Variants in MAGED1 observed in about 807,000 individuals in gnomAD.
The protein encoded by MAGED1 is melanoma-associated antigen D1.
A neutral mutation model predicts 54.1 loss-of-function variants in MAGED1; 3 were observed. The ratio of observed to expected loss-of-function variants is 0.06; its 90% confidence interval spans 0.03 to 0.14. The LOEUF (loss-of-function observed/expected upper bound fraction) is 0.14. MAGED1 is among the 10% of genes least tolerant of loss of function. The pLI is 1.00. For missense variants in MAGED1, 485 were observed against 623.4 expected (o/e 0.78, Z 2.36); for synonymous variants, 217 against 227.3 (o/e 0.95, Z 0.41).
intron 1 of MAGED1, among the ~76,000 whole-genome samples, chrX:51,816,982 G>C (rs1190404400): frequency 9.0e-6 from 1 of 111,498 alleles, no homozygotes; most frequent in African/African-American, 3.3e-5. Flanking sequence ...GTAATCTAAG[G>C]GGAGTTCCTG....
chrX:51,899,154 A>G (rs1278820060), intron 10 of MAGED1: 1 of 111,672 alleles, frequency 9.0e-6, no homozygotes, highest in South Asian at 3.8e-4. Flanking sequence ...TTATTTTTTT[A>G]TTTTTTGAGA....
intron 1 of MAGED1, among the ~76,000 whole-genome samples, chrX:51,811,070 A>G (rs887189076): frequency 9.8e-5 from 11 of 112,177 alleles, no homozygotes; most frequent in Non-Finnish European, 2.1e-4. Context: ...TATTTCATTA[A>G]TGTTAAAGCA....
intron 1 of MAGED1, among the ~76,000 whole-genome samples, chrX:51,881,125 C>T (rs1802845926): frequency 9.0e-6 from 1 of 111,490 alleles, no homozygotes; most frequent in Admixed American, 9.5e-5. Context: ...AGATAGCCAT[C>T]TTCTCGTTGT....
At chrX:51,856,794 G>A (rs782552398) in intron 1 of MAGED1, among the ~76,000 whole-genome samples, 17 of 111,604 alleles carry the variant, frequency 1.5e-4, no homozygotes, top group Non-Finnish European at 3.0e-4. Flanking sequence ...TATTCCTTAC[G>A]CAGGGAAATT....
At chrX:51,860,316 G>C (rs1557360533) in intron 1 of MAGED1, among the ~76,000 whole-genome samples, 1 of 111,723 alleles carries the variant, frequency 9.0e-6, no homozygotes, top group Non-Finnish European at 1.9e-5. Context: ...AAGAGAACTG[G>C]GTGCAGGGAG....
intron 1 of MAGED1, among the ~76,000 whole-genome samples, chrX:51,844,435 A>G (rs1461852305): frequency 8.9e-6 from 1 of 112,393 alleles, no homozygotes; most frequent in Admixed American, 9.4e-5. Context: ...TTGAAGGAAG[A>G]ACTGTTAAGC....
At chrX:51,871,263 G>A (rs1423830386) in intron 1 of MAGED1, among the ~76,000 whole-genome samples, 1 of 107,595 alleles carries the variant, frequency 9.3e-6, no homozygotes, top group African/African-American at 3.4e-5. Flanking sequence ...GGAATATTTT[G>A]GGCATAATCT....
Position 51,897,697 on chromosome X carries a change from CTG to C in MAGED1, c.1566+72_1566+73del. On this transcript the variant is annotated intron_variant, in intron 6 of 12. Coordinates refer to ENST00000326587, the MANE Select transcript of MAGED1 (RefSeq NM_006986.4). ...ATTTCAAAGATTCATGGGGTTCCTA[CTG>C]GGAGTTTAGGGCAAGTCTCAGGGAG... 5.5e-6 allele frequency: 6 copies of C among 1,093,509 alleles called. No individual in the cohort carries two copies. The South Asian group carries it at 1.1e-4, about 20-fold the overall frequency. 90.1% of individuals were successfully genotyped at this position (1,093,509 alleles called of 1,213,427 possible).
chrX:51,804,913 C>A (rs1216743461), intron 1 of MAGED1, among the ~76,000 whole-genome samples: 1 of 111,484 alleles, frequency 9.0e-6, no homozygotes, highest in Non-Finnish European at 1.9e-5. Flanking sequence ...TTTGTTCACT[C>A]TGTTTCCTAA....
chrX:51,875,928 C>A (rs1389704914), intron 1 of MAGED1, among the ~76,000 whole-genome samples: 1 of 111,456 alleles, frequency 9.0e-6, no homozygotes, highest in Non-Finnish European at 1.9e-5. Flanking sequence ...GGATTGGTTC[C>A]CAGCCAGGGG....
chrX:51,875,575 C>G (rs1173419233), intron 1 of MAGED1, among the ~76,000 whole-genome samples: 4 of 111,863 alleles, frequency 3.6e-5, no homozygotes, highest in Non-Finnish European at 5.6e-5. Context: ...GGGCAAAATC[C>G]TGTCTCCAGC....
At chrX:51,894,569 A>G (rs1398889262) in intron 2 of MAGED1, 66 of 1,045,452 alleles carry the variant, frequency 6.3e-5, no homozygotes, top group Middle Eastern at 5.3e-4. Flanking sequence ...GTTAGTAGTC[A>G]GGGCAATCTG....
intron 1 of MAGED1, among the ~76,000 whole-genome samples, chrX:51,861,476 A>G (rs1403246949): frequency 9.0e-6 from 1 of 111,373 alleles, no homozygotes; most frequent in Non-Finnish European, 1.9e-5. Flanking sequence ...ATTATGGTAG[A>G]TGAAGATTTA....
chrX:51,843,447 G>A (rs1557358934), intron 1 of MAGED1, among the ~76,000 whole-genome samples: 1 of 111,168 alleles, frequency 9.0e-6, no homozygotes, highest in African/African-American at 3.3e-5. Flanking sequence ...AGAGAGGAGA[G>A]AAGATGCTAT....
intron 1 of MAGED1, among the ~76,000 whole-genome samples, chrX:51,882,777 G>T (rs782428674): frequency 9.0e-6 from 1 of 110,977 alleles, no homozygotes; most frequent in African/African-American, 3.3e-5. Flanking sequence ...TGCAACCTCC[G>T]CCTCCCGGGT....
At chrX:51,853,536 T>C (rs1221133943) in intron 1 of MAGED1, among the ~76,000 whole-genome samples, 96 of 112,229 alleles carry the variant, frequency 8.6e-4, no homozygotes, top group Non-Finnish European at 2.6e-4. Context: ...CTCTGGGTTT[T>C]AATCTCTTAT....
intron 1 of MAGED1, among the ~76,000 whole-genome samples, chrX:51,888,376 G>C (rs1444568083): frequency 8.9e-6 from 1 of 111,841 alleles, no homozygotes; most frequent in Non-Finnish European, 1.9e-5. Context: ...CACATGTAAA[G>C]ATGTTCAACA....
At chrX:51,880,212 A>C (rs1557362376) in intron 1 of MAGED1, among the ~76,000 whole-genome samples, 1 of 112,111 alleles carries the variant, frequency 8.9e-6, no homozygotes, top group Admixed American at 9.4e-5. Context: ...GTGATATATG[A>C]TACCCAAAGA....
chrX:51,901,300 C>T (rs782040421), intron 11 of MAGED1, among the ~76,000 whole-genome samples: 48 of 111,860 alleles, frequency 4.3e-4, no homozygotes, highest in South Asian at 3.7e-4. Context: ...TTTTAGATTC[C>T]ATGTATAAGT....
Sources: allele counts gnomAD v4.1 joint callset (sites outside exome capture counted in the v4.1 genomes callset), GRCh38; gene constraint gnomAD v4.1.1; transcripts MANE v1.5; gene names NCBI Gene and HGNC (gene_info 2026-07-23, HGNC 2026-07-21).